The following PSD3 variants were observed in gnomAD, a reference collection of about 807,000 sequenced individuals.
The protein encoded by PSD3 is pleckstrin and Sec7 domain containing 3.
A neutral mutation model predicts 105.5 loss-of-function variants in PSD3; 49 were observed. The observed-to-expected ratio is 0.46, with a 90% CI of 0.37 to 0.59. The LOEUF is 0.59. Among genes scored for constraint, PSD3 ranks in the 20% least tolerant of loss-of-function variants. The pLI is 0.00. For synonymous variants in PSD3, 557 were observed against 457.8 expected (o/e 1.22, Z -2.77); for missense variants, 1,561 against 1,263.8 (o/e 1.24, Z -3.57).
chr8:19,076,039 G>A (rs1829453666), intron 1 of PSD3, among the ~76,000 whole-genome samples: 1 of 152,156 alleles, frequency 6.6e-6, no homozygotes, highest in African/African-American at 2.4e-5. Flanking sequence ...AAAAAAGGCA[G>A]GCGCCAGCCA....
intron 9 of PSD3, among the ~76,000 whole-genome samples, chr8:18,757,426 T>A (rs1428692079): frequency 1.3e-5 from 2 of 152,188 alleles, no homozygotes; most frequent in Admixed American, 6.5e-5. Context: ...ATCATGCCAC[T>A]GCATTCCAGC....
chr8:18,611,252 A>G (rs767409147), intron 11 of PSD3, among the ~76,000 whole-genome samples: 142 of 45,570 alleles, frequency 3.1e-3, no homozygotes, highest in Admixed American at 0.016. Flanking sequence ...AGGATTTTGG[A>G]AAAAAAAAAA....
intron 1 of PSD3, among the ~76,000 whole-genome samples, chr8:18,995,858 A>G (rs1826051756): frequency 6.6e-6 from 1 of 151,908 alleles, no homozygotes; most frequent in African/African-American, 2.4e-5. Flanking sequence ...ATTACCTCCC[A>G]CCAGGTCCCT....
intron 10 of PSD3, among the ~76,000 whole-genome samples, chr8:18,653,960 C>G (rs533613380): frequency 2.0e-5 from 3 of 152,118 alleles, no homozygotes; most frequent in African/African-American, 7.2e-5. Context: ...CAGCAAGATT[C>G]TGACTATATC....
At chr8:18,860,458 T>TA (rs5889834) in intron 4 of PSD3, among the ~76,000 whole-genome samples, 8,714 of 139,510 alleles carry the variant, frequency 0.062, 569 homozygotes, top group African/African-American at 0.16. Context: ...GTAATTTGAA[T>TA]AAAAAAAAAA....
In PSD3 at chr8:18,910,156, T is replaced by G. The variant is rs546818407; in HGVS notation, c.130+25878A>C. Among the ~76,000 whole-genome samples, 62 of 152,068 alleles carry G rather than the reference T, an allele frequency of 4.1e-4. No homozygotes were observed. In the East Asian group the frequency reaches 0.011, roughly 27 times the overall value. ...TACTGGGTATATACCCAAATGAGTA[T>G]AAATCATGCTGCTATAAAGACACAT... On this transcript the variant is annotated intron_variant, in intron 2 of 15. Coordinates refer to ENST00000327040, the MANE Select transcript of PSD3 (RefSeq NM_015310.4).
intron 4 of PSD3, among the ~76,000 whole-genome samples, chr8:18,840,153 A>T (rs1814496965): frequency 6.6e-6 from 1 of 152,210 alleles, no homozygotes; most frequent in Non-Finnish European, 1.5e-5. Flanking sequence ...GTGAATGCCA[A>T]GTGAATAAAG....
intron 9 of PSD3, among the ~76,000 whole-genome samples, chr8:18,707,279 T>G (rs563347385): frequency 9.9e-4 from 151 of 152,270 alleles, no homozygotes; most frequent in Non-Finnish European, 1.6e-3. Context: ...ACTGCTCTGC[T>G]CCTGTGTCAA....
chr8:18,619,145 C>T (rs1242469754), intron 11 of PSD3, among the ~76,000 whole-genome samples: 2 of 152,066 alleles, frequency 1.3e-5, no homozygotes, highest in Non-Finnish European at 2.9e-5. Flanking sequence ...CTAAGCCCTC[C>T]AACCAACTGC....
intron 11 of PSD3, among the ~76,000 whole-genome samples, chr8:18,631,685 G>A (rs1475732614): frequency 1.3e-5 from 2 of 151,938 alleles, no homozygotes; most frequent in East Asian, 1.9e-4. Context: ...TAGTATATAA[G>A]GTGCACAGAA....
chr8:18,801,373 A>G lies in PSD3; in HGVS notation c.1920T>C (p.Phe640=). The G allele has an allele frequency of 6.3e-7, 1 of 1,586,084 alleles. No homozygotes were observed. The highest frequency in any genetic ancestry group is 8.6e-7 in the Non-Finnish European group (1 of 1,158,208). Residue 640 remains phenylalanine (F), a synonymous_variant, in exon 7 of 16, where the codon TTT becomes TTC. Transcript: ENST00000327040. ...MTLDQSLRYF[F]KAFSLVGETQ... ...TTTCTCCCACAAGAGAGAATGCTTT[A>G]AAGAAATACCTACAAGAGAATTAAA...
intron 9 of PSD3, among the ~76,000 whole-genome samples, chr8:18,738,325 A>C (rs1804305021): frequency 6.6e-6 from 1 of 152,108 alleles, no homozygotes. Flanking sequence ...ACAACTCACT[A>C]TCTCTCTGAA....
At chr8:18,571,737 T>C (rs914981894) in intron 14 of PSD3, among the ~76,000 whole-genome samples, 2 of 152,212 alleles carry the variant, frequency 1.3e-5, no homozygotes, top group Non-Finnish European at 1.5e-5. Flanking sequence ...CAAAGATGTA[T>C]AGGGAGCTAG....
chr8:18,763,251 G>A (rs4921956), intron 9 of PSD3, among the ~76,000 whole-genome samples: 23,075 of 152,002 alleles, frequency 0.15, 2,284 homozygotes, highest in African/African-American at 0.27. Context: ...GAATCTAGCA[G>A]TTTCTATATA....
chr8:18,868,797 T>C (rs565355968), intron 3 of PSD3, among the ~76,000 whole-genome samples: 1 of 152,170 alleles, frequency 6.6e-6, no homozygotes, highest in Non-Finnish European at 1.5e-5. Flanking sequence ...GATAACTAAG[T>C]AAAATTAAAA....
At chr8:18,844,992 C>T (rs1218353066) in intron 4 of PSD3, among the ~76,000 whole-genome samples, 2 of 152,146 alleles carry the variant, frequency 1.3e-5, no homozygotes, top group Non-Finnish European at 1.5e-5. Context: ...CCATGGATGG[C>T]TCAAAGCACG....
chr8:18,888,100 T>C (rs1818554276), intron 2 of PSD3, among the ~76,000 whole-genome samples: 1 of 152,306 alleles, frequency 6.6e-6, no homozygotes, highest in Non-Finnish European at 1.5e-5. Flanking sequence ...GGGGGATTCC[T>C]TGCCAAGTAA....
intron 1 of PSD3, among the ~76,000 whole-genome samples, chr8:18,958,535 A>T (rs764916281): frequency 1.4e-4 from 22 of 152,222 alleles, no homozygotes; most frequent in Non-Finnish European, 2.4e-4. Flanking sequence ...AGGTCAAGCT[A>T]GCAAGATTAA....
At chr8:18,817,012 C>A (rs1812272311) in intron 4 of PSD3, among the ~76,000 whole-genome samples, 1 of 152,132 alleles carries the variant, frequency 6.6e-6, no homozygotes, top group South Asian at 2.1e-4. Context: ...CAGATCATTT[C>A]AAACAAATGC....
Sources: allele counts gnomAD v4.1 joint callset (sites outside exome capture counted in the v4.1 genomes callset), GRCh38; gene constraint gnomAD v4.1.1; transcripts MANE v1.5; gene names NCBI Gene and HGNC (gene_info 2026-07-23, HGNC 2026-07-21).